Variants in HPSE2 observed in about 807,000 individuals in gnomAD.
The protein encoded by HPSE2 is inactive heparanase-2.
Under a neutral mutation model 60.5 loss-of-function variants are expected in HPSE2, and 38 were observed. The observed-to-expected ratio is 0.63, with a 90% CI of 0.48 to 0.82. The LOEUF (loss-of-function observed/expected upper bound fraction) is 0.82. HPSE2 is among the 40% of genes least tolerant of loss of function. The pLI is 0.00. For synonymous variants in HPSE2, 295 were observed against 293.2 expected, an observed-to-expected ratio of 1.01 and a Z score of -0.06; for missense variants, 713 against 740.4, an observed-to-expected ratio of 0.96 and a Z score of 0.43.
intron 9 of HPSE2, among the ~76,000 whole-genome samples, chr10:98,614,066 G>T (rs1945832382): frequency 6.6e-6 from 1 of 152,036 alleles, no homozygotes. Flanking sequence ...TTGTCACACG[G>T]GGCTCATCAT....
intron 4 of HPSE2, among the ~76,000 whole-genome samples, chr10:98,739,925 T>C (rs1245743153): frequency 6.6e-6 from 1 of 152,036 alleles, no homozygotes; most frequent in Non-Finnish European, 1.5e-5. Flanking sequence ...TGAAATGGAG[T>C]TGGACTAGAA....
chr10:99,208,914 C>T (rs1359029873), intron 2 of HPSE2, among the ~76,000 whole-genome samples: 1 of 151,946 alleles, frequency 6.6e-6, no homozygotes, highest in African/African-American at 2.4e-5. Flanking sequence ...CAAAAAAGGT[C>T]ATAAAACATG....
At chr10:98,783,027 T>C (rs1950517660) in intron 3 of HPSE2, among the ~76,000 whole-genome samples, 1 of 109,850 alleles carries the variant, frequency 9.1e-6, no homozygotes, top group Non-Finnish European at 1.9e-5. Flanking sequence ...GCCATGCTGG[T>C]GCGCTGCACC....
intron 3 of HPSE2, among the ~76,000 whole-genome samples, chr10:99,137,665 T>C (rs981424860): frequency 3.3e-5 from 5 of 152,094 alleles, no homozygotes; most frequent in Non-Finnish European, 5.9e-5. Context: ...ATTTAATAAA[T>C]GTTGGGAAAA....
At chr10:99,151,856 C>G (rs555051474) in intron 2 of HPSE2, among the ~76,000 whole-genome samples, 4 of 152,150 alleles carry the variant, frequency 2.6e-5, no homozygotes, top group African/African-American at 9.7e-5. Context: ...TTTGAGGTTG[C>G]AGTTACCTAT....
intron 3 of HPSE2, among the ~76,000 whole-genome samples, chr10:98,819,911 A>G (rs1255918659): frequency 1.3e-5 from 2 of 152,132 alleles, no homozygotes; most frequent in Non-Finnish European, 2.9e-5. Context: ...ATGGATGGAG[A>G]TTTATACAAG....
At chr10:99,308,104 T>C in the HPSE2 span, among the ~76,000 whole-genome samples, 2 of 151,862 alleles carry the variant, frequency 1.3e-5, no homozygotes, top group Admixed American at 6.6e-5. Flanking sequence ...ATGGAAACAA[T>C]CGGCCAGGTG....
intron 4 of HPSE2, among the ~76,000 whole-genome samples, chr10:98,724,151 T>A (rs1949005913): frequency 6.6e-6 from 1 of 152,132 alleles, no homozygotes; most frequent in Non-Finnish European, 1.5e-5. Context: ...TCCCAGAGAT[T>A]CTGGTATGTT....
chr10:99,058,253 T>C (rs1035731669), intron 3 of HPSE2, among the ~76,000 whole-genome samples: 1 of 152,188 alleles, frequency 6.6e-6, no homozygotes, highest in African/African-American at 2.4e-5. Context: ...AGAGTGCCAG[T>C]AGAGATGAGA....
intron 3 of HPSE2, among the ~76,000 whole-genome samples, chr10:98,882,385 C>A (rs1590003932): frequency 1.3e-5 from 2 of 151,980 alleles, no homozygotes; most frequent in African/African-American, 4.8e-5. Context: ...CGATGACTTA[C>A]AACAATATTT....
chr10:99,080,201 T>C (rs1218427733), intron 3 of HPSE2, among the ~76,000 whole-genome samples: 2 of 152,146 alleles, frequency 1.3e-5, no homozygotes, highest in Non-Finnish European at 2.9e-5. Context: ...TGCTCAATAA[T>C]GTCTTATTTA....
intron 3 of HPSE2, among the ~76,000 whole-genome samples, chr10:99,114,048 T>C (rs1019569059): frequency 6.6e-6 from 1 of 151,812 alleles, no homozygotes; most frequent in Non-Finnish European, 1.5e-5. Flanking sequence ...CTGCAACACG[T>C]TGAAATACAC....
At position 98,489,096 on chromosome 10, in the gene HPSE2, T is replaced by C. The variant is rs774118602; in HGVS notation, c.1466+955A>G. Among the ~76,000 whole-genome samples the C allele has an allele frequency of 4.2e-4, 64 of 152,330 alleles. 1 individual carries two copies. The highest frequency in any genetic ancestry group is 3.4e-3 in the Middle Eastern group (1 of 294). On this transcript the variant is annotated intron_variant, in intron 10 of 11. Coordinates refer to ENST00000370552, the MANE Select transcript of HPSE2 (RefSeq NM_021828.5). Reference sequence around the variant, plus strand: ...GCCTGGGCTGGAATGAAGGTCTGGCTGGAGGCACTTGCTTACCATTCCCTG... The same window carrying C: ...GCCTGGGCTGGAATGAAGGTCTGGCCGGAGGCACTTGCTTACCATTCCCTG...
At chr10:98,914,250 A>G (rs1954057037) in intron 3 of HPSE2, among the ~76,000 whole-genome samples, 1 of 151,934 alleles carries the variant, frequency 6.6e-6, no homozygotes, top group African/African-American at 2.4e-5. Context: ...TTTGCCTGCC[A>G]CCATCCACGT....
intron 3 of HPSE2, among the ~76,000 whole-genome samples, chr10:98,908,058 C>T (rs1953873779): frequency 1.3e-5 from 2 of 152,166 alleles, no homozygotes; most frequent in South Asian, 4.1e-4. Flanking sequence ...AAGCATAAGA[C>T]TGATGAGTGA....
intron 6 of HPSE2, among the ~76,000 whole-genome samples, chr10:98,684,290 G>A (rs1396036902): frequency 1.3e-5 from 2 of 152,120 alleles, no homozygotes; most frequent in African/African-American, 4.8e-5. Flanking sequence ...TCCAGGAGCA[G>A]ATATCTCCAA....
At chr10:99,028,616 C>G (rs1388432159) in intron 3 of HPSE2, among the ~76,000 whole-genome samples, 1 of 151,994 alleles carries the variant, frequency 6.6e-6, no homozygotes, top group African/African-American at 2.4e-5. Flanking sequence ...ACATTCTTCA[C>G]AGAAATAGAA....
chr10:99,101,299 C>T (rs1377606565), intron 3 of HPSE2, among the ~76,000 whole-genome samples: 2 of 151,990 alleles, frequency 1.3e-5, no homozygotes, highest in Admixed American at 6.6e-5. Context: ...GGAAGATCTA[C>T]CAAGCAAATG....
At chr10:99,132,199 G>C (rs200342412) in intron 3 of HPSE2, among the ~76,000 whole-genome samples, 7 of 14,362 alleles carry the variant, frequency 4.9e-4, no homozygotes, top group Admixed American at 1.1e-3. Flanking sequence ...GAAAGAGAGA[G>C]AGAGAGAGAG....
Sources: gnomAD v4.1 joint callset for allele counts (sites outside exome capture counted in the v4.1 genomes callset) on GRCh38, gnomAD v4.1.1 for gene constraint, MANE v1.5 for transcripts, NCBI Gene and HGNC (gene_info 2026-07-23, HGNC 2026-07-21) for gene names.